RAB2A: variants seen among roughly 807,000 people sequenced by gnomAD.
The protein encoded by RAB2A is RAB2A, member RAS oncogene family, also known as ras-related protein Rab-2A.
In RAB2A, 7 loss-of-function variants were observed where a neutral mutation model predicts 32.5. The ratio of observed to expected loss-of-function variants is 0.22; its 90% CI spans 0.12 to 0.40. The LOEUF (loss-of-function observed/expected upper bound fraction) is 0.40. Ranked by LOEUF, RAB2A falls within the 10% of genes least tolerant of loss-of-function variation. The pLI is 1.00. For missense variants in RAB2A, 108 were observed against 260.7 expected (o/e 0.41, Z 4.03); for synonymous variants, 79 against 85.2 (o/e 0.93, Z 0.40).
intron 3 of RAB2A, among the ~76,000 whole-genome samples, chr8:60,572,415 A>G (rs578213813): frequency 6.6e-6 from 1 of 152,328 alleles, no homozygotes; most frequent in African/African-American, 2.4e-5. Context: ...TCTCAAGTAC[A>G]CATAGGAAGT....
At chr8:60,572,004 T>C in intron 2 of RAB2A, 42 bp from the exon 3 acceptor site, 5 of 1,393,592 alleles carry the variant, frequency 3.6e-6, no homozygotes, top group Non-Finnish European at 5.0e-6. Context: ...GTGAGATATA[T>C]TCCCACTAAT....
At chr8:60,605,828 A>ATAT (rs1804219006) in intron 6 of RAB2A, among the ~76,000 whole-genome samples, 1 of 114,004 alleles carries the variant, frequency 8.8e-6, no homozygotes, top group African/African-American at 5.5e-5. Flanking sequence ...AAAAGGGACT[A>ATAT]ATACATATAT....
At position 60,590,552 on chromosome 8, in the gene RAB2A, A is replaced by G. The variant is rs1313184713; in HGVS notation, c.363-1306A>G. Among the ~76,000 whole-genome samples, 4 of 146,238 alleles carry G rather than the reference A, an allele frequency of 2.7e-5. No individual in the cohort carries two copies. The South Asian group carries it at 6.3e-4, about 23-fold the overall frequency. On this transcript the variant is annotated intron_variant, in intron 5 of 7. Transcript: ENST00000262646. ...AAATATATATATATATTTTATATATATATGTAAAATACATATATTTTAATA... is the reference window on the plus strand; with the variant it reads ...AAATATATATATATATTTTATATATGTATGTAAAATACATATATTTTAATA...
chr8:60,581,756 A>G (rs994609469), intron 3 of RAB2A, among the ~76,000 whole-genome samples: 4 of 152,194 alleles, frequency 2.6e-5, no homozygotes, highest in African/African-American at 9.7e-5. Flanking sequence ...CTGTAACCCC[A>G]GCACTTTTAC....
chr8:60,541,666 G>C (rs1202313592), intron 1 of RAB2A, among the ~76,000 whole-genome samples: 1 of 152,220 alleles, frequency 6.6e-6, no homozygotes, highest in Non-Finnish European at 1.5e-5. Flanking sequence ...TCCAGACTGG[G>C]CGACGAGCAC....
chr8:60,591,395 T>C (rs1038684899), intron 5 of RAB2A, among the ~76,000 whole-genome samples: 1 of 152,046 alleles, frequency 6.6e-6, no homozygotes, highest in Non-Finnish European at 1.5e-5. Flanking sequence ...ATCAATGATG[T>C]AATGTATCTT....
chr8:60,584,644 T>C, intron 4 of RAB2A, 79 bp from the exon 5 acceptor site: 1 of 1,241,114 alleles, frequency 8.1e-7, no homozygotes, highest in East Asian at 2.4e-5. Flanking sequence ...AGTGGTTCTC[T>C]TTAAAAATAT....
intron 2 of RAB2A, among the ~76,000 whole-genome samples, chr8:60,560,486 A>G (rs1808005521): frequency 6.6e-6 from 1 of 152,236 alleles, no homozygotes; most frequent in South Asian, 2.1e-4. Context: ...TTTCTAAGAC[A>G]ACTGGCAAAA....
At position 60,529,883 on chromosome 8, in the gene RAB2A, G is replaced by A. The variant is rs114991069; in HGVS notation, c.46+12630G>A. 9.6e-3 allele frequency among the ~76,000 whole-genome samples: 1,469 copies of A among 152,230 alleles called. 29 individuals carry two copies. Among genetic ancestry groups the A allele is most frequent in the African/African-American group, 0.033 (1,381 of 41,524 alleles). On this transcript the variant is annotated intron_variant, in intron 1 of 7. Transcript: ENST00000262646. Reference sequence around the variant, plus strand: ...GAGTTTTAGAAATAAATCTTGCAGCGGATTTGTGGGTGGAAGGTGTATACA... The same window carrying A: ...GAGTTTTAGAAATAAATCTTGCAGCAGATTTGTGGGTGGAAGGTGTATACA...
intron 5 of RAB2A, among the ~76,000 whole-genome samples, chr8:60,589,911 A>G (rs1013201298): frequency 1.3e-5 from 2 of 152,156 alleles, no homozygotes; most frequent in Non-Finnish European, 2.9e-5. Flanking sequence ...ATGAAACAGT[A>G]GATGGAACTT....
chr8:60,592,578 C>A (rs367868099), intron 6 of RAB2A, among the ~76,000 whole-genome samples: 1 of 151,922 alleles, frequency 6.6e-6, no homozygotes, highest in East Asian at 1.9e-4. Flanking sequence ...TTAAAGTATT[C>A]TATTATTGCT....
At chr8:60,566,459 A>AGTTTTTTT (rs1376632215) in intron 2 of RAB2A, among the ~76,000 whole-genome samples, 2 of 151,954 alleles carry the variant, frequency 1.3e-5, no homozygotes, top group South Asian at 2.1e-4. Flanking sequence ...AGGGATAACT[A>AGTTTTTTT]GTTTTTTTGT....
rs186051347 is a variant in RAB2A, at chr8:60,595,848, A to T, written c.474+3879A>T. Reference sequence around the variant, plus strand: ...GTCCTGGGCCATAAAATAAACCTCAATAGATTTTAAAGTATTGAAATCATA... The same window carrying T: ...GTCCTGGGCCATAAAATAAACCTCATTAGATTTTAAAGTATTGAAATCATA... On this transcript the variant is annotated intron_variant, in intron 6 of 7. Coordinates refer to ENST00000262646, the MANE Select transcript of RAB2A (RefSeq NM_002865.3). 7.2e-5 allele frequency among the ~76,000 whole-genome samples: 11 copies of T among 152,362 alleles called. No individual in the cohort carries two copies. The East Asian group carries it at 2.1e-3, about 29-fold the overall frequency.
At chr8:60,544,503 C>T (rs1034262785) in intron 1 of RAB2A, among the ~76,000 whole-genome samples, 2 of 150,860 alleles carry the variant, frequency 1.3e-5, no homozygotes, top group African/African-American at 2.4e-5. Flanking sequence ...ATCATTTGAG[C>T]CTCATGACAT....
intron 1 of RAB2A, among the ~76,000 whole-genome samples, chr8:60,523,038 C>A (rs1218433928): frequency 6.6e-6 from 1 of 151,904 alleles, no homozygotes; most frequent in African/African-American, 2.4e-5. Flanking sequence ...TAGAAAAATT[C>A]TATTAAAGCT....
intron 6 of RAB2A, among the ~76,000 whole-genome samples, chr8:60,615,360 T>A (rs559554511): frequency 6.6e-6 from 1 of 152,330 alleles, no homozygotes; most frequent in South Asian, 2.1e-4. Context: ...CCATTCAAAT[T>A]AAACTAATTC....
intron 1 of RAB2A, among the ~76,000 whole-genome samples, chr8:60,539,627 A>T (rs1807608276): frequency 1.3e-5 from 2 of 152,196 alleles, no homozygotes; most frequent in African/African-American, 2.4e-5. Flanking sequence ...TAAAAAGTAG[A>T]TTTGATGCAT....
chr8:60,518,551 GA>G (rs1807248587), intron 1 of RAB2A, among the ~76,000 whole-genome samples: 1 of 138,842 alleles, frequency 7.2e-6, no homozygotes, highest in South Asian at 2.3e-4. Context: ...AGCCACTTGG[GA>G]GGCTGAGGCG....
intron 2 of RAB2A, among the ~76,000 whole-genome samples, chr8:60,566,187 T>G (rs1291085910): frequency 6.6e-6 from 1 of 152,206 alleles, no homozygotes; most frequent in Non-Finnish European, 1.5e-5. Flanking sequence ...TTTAAATGTA[T>G]TCCTAAACAC....
Sources: allele counts gnomAD v4.1 joint callset (sites outside exome capture counted in the v4.1 genomes callset), GRCh38; gene constraint gnomAD v4.1.1; transcripts MANE v1.5; gene names NCBI Gene and HGNC (gene_info 2026-07-23, HGNC 2026-07-21).